ZNF266: variants seen among roughly 807,000 people sequenced by gnomAD.
ZNF266 encodes zinc finger protein 1.
ZNF266 carries 16 observed loss-of-function variants against 16.4 expected under a neutral mutation model. The observed-to-expected ratio is 0.98, with a 90% CI of 0.66 to 1.48. The LOEUF (loss-of-function observed/expected upper bound fraction) is 1.48, where lower values mean the gene tolerates loss of function less well. Ranked by LOEUF, ZNF266 falls within the 40% of genes most tolerant of loss-of-function variation. The probability of loss-of-function intolerance (pLI) is 0.00; values close to 1 mark genes in which losing one functional copy is unlikely to be tolerated. For synonymous variants in ZNF266, 262 were observed against 237.9 expected, an observed-to-expected ratio of 1.10 and a Z score of -0.93; for missense variants, 738 against 689.1, an observed-to-expected ratio of 1.07 and a Z score of -0.79.
chr19:9,416,737 T>C lies in ZNF266; in HGVS notation c.317-995A>G, dbSNP rs191041132. Reference sequence around the variant, plus strand: ...CCCCAGCTGGAGTTCAGCGGCACGATCTTGGCTCATTGCAACCTTCGGCCC... The same window carrying C: ...CCCCAGCTGGAGTTCAGCGGCACGACCTTGGCTCATTGCAACCTTCGGCCC... On this transcript the variant is annotated intron_variant, in intron 9 of 10. Coordinates refer to ENST00000592904, the MANE Select transcript of ZNF266 (RefSeq NM_001370374.1). 6.7e-3 allele frequency among the ~76,000 whole-genome samples: 868 copies of C among 128,852 alleles called. 9 individuals are homozygous for C. Among genetic ancestry groups the C allele is most frequent in the Non-Finnish European group, 0.011 (718 of 63,766 alleles). 84.5% of individuals were successfully genotyped at this position (128,852 alleles called of 152,430 possible).
chr19:9,418,754 A>ACACT, intron 7 of ZNF266, 123 bp from the exon 8 acceptor site: 4 of 587,850 alleles, frequency 6.8e-6, no homozygotes, highest in Non-Finnish European at 1.2e-5. Flanking sequence ...CTCTCTATCC[A>ACACT]CACTCACTCA....
At position 9,414,503 on chromosome 19, in the gene ZNF266, T is replaced by C. The variant is rs760961199; in HGVS notation, c.623A>G (p.Asn208Ser). 3 of 1,614,148 alleles carry C rather than the reference T, an allele frequency of 1.9e-6. No homozygotes were observed. The highest frequency in any genetic ancestry group is 1.1e-5 in the South Asian group (1 of 91,080). Residue 208 changes from asparagine to serine, a missense_variant, in exon 11 of 11, where the codon AAC becomes AGC. By Grantham distance (46) the Asn-to-Ser change is conservative. Coordinates refer to ENST00000592904, the MANE Select transcript of ZNF266 (RefSeq NM_001370374.1). The part of the protein sequence containing the change: ...FSQCGKAFSL[N>S]PDVVCQRTCT... ...CGTTCTCTGGCAAACAACATCTGGG[T>C]TCAGGCTGAAGGCTTTTCCACACTG... is the stretch of plus-strand genomic sequence containing the variant.
rs950738311 is a variant in ZNF266 at position 9,434,810 on chromosome 19, A to G, written c.-422T>C. 2.1e-5 allele frequency: 3 copies of G among 140,574 alleles called. No homozygotes were observed. In the Admixed American group the frequency reaches 2.2e-4, roughly 10 times the overall value. The allele number at this position is 140,574 out of a possible 1,614,324, so 8.7% of individuals were successfully genotyped here. A position where few individuals can be genotyped will look rare whatever the true frequency, so the allele number is the denominator to read the frequency against. On this transcript the variant is annotated 5_prime_UTR_variant, in exon 3 of 11. The change abolishes an upstream ATG in the 5' untranslated region. Coordinates refer to ENST00000592904, the MANE Select transcript of ZNF266 (RefSeq NM_001370374.1). Reference sequence around the variant, plus strand: ...ATGTTCAACTTACTTCAAAGCCTCCATTCCTTCTTCCTAAAAGCCCGTTTT... The same window carrying G: ...ATGTTCAACTTACTTCAAAGCCTCCGTTCCTTCTTCCTAAAAGCCCGTTTT...
chr19:9,432,702 A>G (rs1162126203), intron 5 of ZNF266, among the ~76,000 whole-genome samples: 1 of 152,228 alleles, frequency 6.6e-6, no homozygotes, highest in Non-Finnish European at 1.5e-5. Context: ...TGTGAAATAT[A>G]TATACATTTA....
intron 9 of ZNF266, among the ~76,000 whole-genome samples, chr19:9,416,276 G>A (rs1420074719): frequency 6.6e-6 from 1 of 151,514 alleles, no homozygotes; most frequent in Admixed American, 6.6e-5. Flanking sequence ...ATAAACTGAT[G>A]GTGAACACAA....
chr19:9,417,544 C>T (rs547920459), intron 9 of ZNF266, among the ~76,000 whole-genome samples: 20 of 152,104 alleles, frequency 1.3e-4, no homozygotes, highest in Non-Finnish European at 2.4e-4. Context: ...CTGACCAACA[C>T]GGTCAAACCC....
At chr19:9,416,037 T>C (rs549742774) in intron 9 of ZNF266, among the ~76,000 whole-genome samples, 86 of 152,136 alleles carry the variant, frequency 5.7e-4, no homozygotes, top group African/African-American at 2.0e-3. Flanking sequence ...TTGGCCAAGC[T>C]AGTCTCAAAC....
rs202245217 is a variant in ZNF266 at position 9,428,713 on chromosome 19, T to TG, written c.-130+4954dup. Among the ~76,000 whole-genome samples, 645 of 78,950 alleles carry TG rather than the reference T, an allele frequency of 8.2e-3. 8 individuals carry two copies. The highest frequency in any genetic ancestry group is 0.033 in the Admixed American group (256 of 7,826). 51.8% of individuals were successfully genotyped at this position (78,950 alleles called of 152,430 possible). ...TACCTAAAAACTGTCCCTTCCAGGGTGGGAAAAAAAAAAAAAAAAACCCTG... is the reference window on the plus strand; with the variant it reads ...TACCTAAAAACTGTCCCTTCCAGGGTGGGGAAAAAAAAAAAAAAAAACCCTG... On this transcript the variant is annotated intron_variant, in intron 5 of 10. Coordinates refer to ENST00000592904, the MANE Select transcript of ZNF266 (RefSeq NM_001370374.1).
At chr19:9,417,596 G>A (rs188110609) in intron 9 of ZNF266, among the ~76,000 whole-genome samples, 9 of 152,092 alleles carry the variant, frequency 5.9e-5, no homozygotes, top group East Asian at 1.9e-4. Flanking sequence ...GCATGGTGGC[G>A]TGAGCCTGTA....
intron 5 of ZNF266, among the ~76,000 whole-genome samples, chr19:9,421,470 A>G (rs934141871): frequency 6.6e-6 from 1 of 152,214 alleles, no homozygotes; most frequent in Non-Finnish European, 1.5e-5. Context: ...TGACAATCGC[A>G]TACACTTGCA....
Position 9,414,087 on chromosome 19 carries a change from A to C in ZNF266, c.1039T>G (p.Ser347Ala). 1.2e-6 allele frequency: 2 copies of C among 1,613,672 alleles called. No homozygotes were observed. The highest frequency in any genetic ancestry group is 1.3e-5 in the African/African-American group (1 of 74,836). The change falls in exon 11 of 11, where the codon TCC (serine) becomes GCC (alanine). Residue 347 changes from serine (S) to alanine (A), a missense_variant. Coordinates refer to ENST00000592904, the MANE Select transcript of ZNF266 (RefSeq NM_001370374.1). ...CKDCGRAFTV[S>A]SCLSQHMKIH... is the part of the protein sequence containing the mutation. ...TTCATATGTTGACTTAAGCAAGAGGAAACAGTGAAGGCTCTCCCACAATCC... is the reference window on the plus strand; with the variant it reads ...TTCATATGTTGACTTAAGCAAGAGGCAACAGTGAAGGCTCTCCCACAATCC...
In ZNF266 at chr19:9,414,524, CACTG is replaced by C; in HGVS notation, c.598_601del (p.Gln200ValfsTer7). On this transcript the variant is annotated frameshift_variant, in exon 11 of 11. Coordinates refer to ENST00000592904, the MANE Select transcript of ZNF266 (RefSeq NM_001370374.1). LOFTEE classifies it low-confidence loss of function (END_TRUNC). Reference sequence around the variant, plus strand: ...TGGGTTCAGGCTGAAGGCTTTTCCACACTGACTAAATACAGAACGTTGCTCTCCA... The same window carrying C: ...TGGGTTCAGGCTGAAGGCTTTTCCACACTAAATACAGAACGTTGCTCTCCA... 1 of 1,614,186 alleles carries C rather than the reference CACTG, an allele frequency of 6.2e-7. No homozygotes were observed. Among genetic ancestry groups the C allele is most frequent in the African/African-American group, 1.3e-5 (1 of 75,068 alleles).
chr19:9,417,893 T>G lies in ZNF266; in HGVS notation c.251A>C (p.Lys84Thr), dbSNP rs2069302831. The change falls in exon 9 of 11, where the codon AAA becomes ACA. Residue 84 changes from lysine (K) to threonine (T), a missense_variant. Lys to Thr is a moderately conservative substitution (Grantham distance 78). Transcript: ENST00000592904. Reference protein sequence around the residue: ...NLATVGYQLFKPSLISWLEQE... With the variant: ...NLATVGYQLFTPSLISWLEQE... ...TTCCAGCCAAGAGATCAGACTGGGTTTGAAGAGCTGATATCCTGTGCACAA... is the reference window on the plus strand; with the variant it reads ...TTCCAGCCAAGAGATCAGACTGGGTGTGAAGAGCTGATATCCTGTGCACAA... The G allele has an allele frequency of 1.2e-6, 2 of 1,614,012 alleles. No individual in the cohort carries two copies. The highest frequency in any genetic ancestry group is 1.7e-6 in the Non-Finnish European group (2 of 1,179,982).
rs568016095 is a variant in ZNF266, at chr19:9,415,691, T to C, written c.368A>G (p.Asp123Gly). ...ACTGGAGGTTGGCTCCCCCAAAACA[T>C]CCTGCTGAAGGGCTAACTCTTTGGT... ...LKTKELALQQDVLGEPTSSGI... is the reference protein window; with the variant it reads ...LKTKELALQQGVLGEPTSSGI... The change falls in exon 10 of 11, where the codon GAT becomes GGT. Residue 123 changes from aspartate (D) to glycine (G), a missense_variant. Transcript: ENST00000592904. 5.6e-6 allele frequency: 9 copies of C among 1,613,332 alleles called. No homozygotes were observed. The Admixed American group carries it at 1.5e-4, about 27-fold the overall frequency.
intron 8 of ZNF266, 32 bp from the exon 9 acceptor site, chr19:9,417,940 A>G: frequency 6.3e-7 from 1 of 1,591,858 alleles, no homozygotes; most frequent in Non-Finnish European, 8.6e-7. Context: ...TTACCAGAAG[A>G]GGCTCATGCA....
intron 5 of ZNF266, among the ~76,000 whole-genome samples, chr19:9,422,285 G>A (rs536694643): frequency 2.0e-5 from 3 of 152,066 alleles, no homozygotes; most frequent in Non-Finnish European, 4.4e-5. Context: ...GTATCTTTGG[G>A]TGCCAATGTT....
intron 8 of ZNF266, 97 bp from the exon 9 acceptor site, chr19:9,418,005 A>T: frequency 8.0e-7 from 1 of 1,248,222 alleles, no homozygotes. Context: ...GGAAGCAGTG[A>T]AATTATTTTA....
At chr19:9,427,603 A>C (rs2070948309) in intron 5 of ZNF266, among the ~76,000 whole-genome samples, 1 of 152,176 alleles carries the variant, frequency 6.6e-6, no homozygotes, top group African/African-American at 2.4e-5. Flanking sequence ...CTGGGATTAC[A>C]GGTGTGAGCC....
chr19:9,424,926 G>T (rs141194344), intron 5 of ZNF266, among the ~76,000 whole-genome samples: 2 of 152,278 alleles, frequency 1.3e-5, no homozygotes, highest in African/African-American at 4.8e-5. Flanking sequence ...ATGTGTGTAG[G>T]AGAGTGCATA....
Sources: gnomAD v4.1 joint callset for allele counts (sites outside exome capture counted in the v4.1 genomes callset) on GRCh38, gnomAD v4.1.1 for gene constraint, MANE v1.5 for transcripts, NCBI Gene and HGNC (gene_info 2026-07-23, HGNC 2026-07-21) for gene names.